GRM7: variants seen among roughly 807,000 people sequenced by gnomAD.
GRM7 encodes the protein metabotropic glutamate receptor 7.
Under a neutral mutation model 84.5 loss-of-function variants are expected in GRM7, and 35 were observed. The observed-to-expected ratio is 0.41, with a 90% CI of 0.32 to 0.55. The LOEUF (loss-of-function observed/expected upper bound fraction) is 0.55. Ranked by LOEUF, GRM7 falls within the 20% of genes least tolerant of loss-of-function variation. The pLI, the probability that GRM7 is intolerant of heterozygous loss-of-function variation, is 0.19. For synonymous variants in GRM7, 487 were observed against 455.1 expected (o/e 1.07, Z -0.89); for missense variants, 1,003 against 1,194.6 (o/e 0.84, Z 2.36).
intron 2 of GRM7, among the ~76,000 whole-genome samples, chr3:7,173,344 AG>A (rs2125090055): frequency 6.6e-6 from 1 of 152,302 alleles, no homozygotes; most frequent in South Asian, 2.1e-4. Context: ...AATGTCTCAC[AG>A]GGACATCAGA....
At chr3:7,201,913 G>A (rs1024598620) in intron 2 of GRM7, among the ~76,000 whole-genome samples, 6 of 152,118 alleles carry the variant, frequency 3.9e-5, no homozygotes, top group South Asian at 2.1e-4. Flanking sequence ...GGAATGTTTC[G>A]GAACAAGATT....
intron 1 of GRM7, among the ~76,000 whole-genome samples, chr3:6,921,351 G>C (rs1005653006): frequency 3.3e-5 from 5 of 152,170 alleles, no homozygotes; most frequent in Admixed American, 6.6e-5. Context: ...CAGTGCCCGG[G>C]AGATAGTTTA....
intron 8 of GRM7, among the ~76,000 whole-genome samples, chr3:7,650,297 A>G (rs1698872449): frequency 6.6e-6 from 1 of 152,156 alleles, no homozygotes. Context: ...TGAGGATGTA[A>G]GTCCTCTGAG....
intron 8 of GRM7, among the ~76,000 whole-genome samples, chr3:7,646,900 G>A (rs1698671747): frequency 6.6e-6 from 1 of 152,164 alleles, no homozygotes; most frequent in African/African-American, 2.4e-5. Context: ...TCTGTATTCT[G>A]GAGGTCATTC....
intron 4 of GRM7, among the ~76,000 whole-genome samples, chr3:7,402,805 C>T (rs1440969161): frequency 6.9e-6 from 1 of 143,952 alleles, no homozygotes; most frequent in Admixed American, 6.9e-5. Flanking sequence ...TGTTGTTTTC[C>T]TTTTTTTTTT....
chr3:7,423,961 T>G (rs1297050689), intron 5 of GRM7, among the ~76,000 whole-genome samples: 1 of 152,160 alleles, frequency 6.6e-6, no homozygotes, highest in Non-Finnish European at 1.5e-5. Context: ...GCCTCACTGC[T>G]GTAGAAACAC....
intron 8 of GRM7, among the ~76,000 whole-genome samples, chr3:7,648,365 G>C (rs1698757222): frequency 6.6e-6 from 1 of 151,958 alleles, no homozygotes; most frequent in Admixed American, 6.6e-5. Context: ...GAAGGATCAA[G>C]GCCGGGTGCA....
chr3:7,327,298 T>C (rs1245442338), intron 4 of GRM7, among the ~76,000 whole-genome samples: 1 of 152,208 alleles, frequency 6.6e-6, no homozygotes, highest in East Asian at 1.9e-4. Context: ...TCTCAGGGTG[T>C]ACCTTTCCCC....
At chr3:7,302,128 C>A (rs1700023835) in intron 3 of GRM7, among the ~76,000 whole-genome samples, 1 of 151,798 alleles carries the variant, frequency 6.6e-6, no homozygotes, top group Non-Finnish European at 1.5e-5. Flanking sequence ...TTACATTTTA[C>A]TTTGCCTCCA....
At chr3:6,892,297 A>C (rs1695988344) in intron 1 of GRM7, among the ~76,000 whole-genome samples, 1 of 152,124 alleles carries the variant, frequency 6.6e-6, no homozygotes, top group Non-Finnish European at 1.5e-5. Context: ...AGGAGGCAGC[A>C]GTGCCTGGGT....
At chr3:6,907,853 AT>A (rs970127419) in intron 1 of GRM7, among the ~76,000 whole-genome samples, 11 of 152,136 alleles carry the variant, frequency 7.2e-5, no homozygotes, top group African/African-American at 2.7e-4. Context: ...TTTTAAGTTT[AT>A]TTGTATTACA....
At chr3:7,639,671 A>C (rs2125103624) in intron 8 of GRM7, among the ~76,000 whole-genome samples, 1 of 152,314 alleles carries the variant, frequency 6.6e-6, no homozygotes, top group South Asian at 2.1e-4. Flanking sequence ...CAGCATCACT[A>C]ATGAAAAATA....
chr3:7,100,164 C>T (rs1699062369), intron 1 of GRM7, among the ~76,000 whole-genome samples: 1 of 151,326 alleles, frequency 6.6e-6, no homozygotes, highest in African/African-American at 2.4e-5. Flanking sequence ...AACAAAGAAC[C>T]TAACTTTTAT....
At chr3:7,055,367 A>G (rs1246386546) in intron 1 of GRM7, among the ~76,000 whole-genome samples, 1 of 151,834 alleles carries the variant, frequency 6.6e-6, no homozygotes, top group East Asian at 1.9e-4. Context: ...GTTCTTTTTC[A>G]AATCAATTCT....
At chr3:7,276,781 TCC>T (rs1559546889) in intron 2 of GRM7, among the ~76,000 whole-genome samples, 24 of 2,522 alleles carry the variant, frequency 9.5e-3, no homozygotes, top group Admixed American at 0.021. Flanking sequence ...CTTCCTTCCT[TCC>T]TTCCTTCCTT....
chr3:6,980,208 C>T (rs1694145381), intron 1 of GRM7, among the ~76,000 whole-genome samples: 1 of 152,042 alleles, frequency 6.6e-6, no homozygotes, highest in Admixed American at 6.6e-5. Flanking sequence ...ACAAATAAAA[C>T]TTACCTGAAT....
intron 9 of GRM7, among the ~76,000 whole-genome samples, chr3:7,712,293 G>A (rs985292576): frequency 6.6e-6 from 1 of 152,170 alleles, no homozygotes; most frequent in Non-Finnish European, 1.5e-5. Context: ...TGAAGTATAT[G>A]CCATAGATAC....
chr3:7,445,455 T>A (rs1697465542), intron 5 of GRM7, among the ~76,000 whole-genome samples: 1 of 152,200 alleles, frequency 6.6e-6, no homozygotes, highest in African/African-American at 2.4e-5. Flanking sequence ...CCACAGGACC[T>A]GGTGCACAGA....
intron 9 of GRM7, 44 bp downstream of exon 9, chr3:7,680,339 G>C (rs761281107): frequency 7.5e-6 from 12 of 1,598,152 alleles, no homozygotes; most frequent in Non-Finnish European, 9.4e-6. Flanking sequence ...CCTGCATCAG[G>C]AAGCTCTAGA....
Sources: allele counts gnomAD v4.1 joint callset (sites outside exome capture counted in the v4.1 genomes callset), GRCh38; gene constraint gnomAD v4.1.1; transcripts MANE v1.5; gene names NCBI Gene and HGNC (gene_info 2026-07-23, HGNC 2026-07-21).